The following TNIK variants were observed in gnomAD, a reference collection of about 807,000 sequenced individuals.
The protein encoded by TNIK is TRAF2 and NCK interacting kinase.
TNIK carries 49 observed loss-of-function variants against 191.3 expected under a neutral mutation model. That is an observed-to-expected ratio of 0.26 (90% CI 0.20 to 0.32). TNIK has a LOEUF of 0.32. Ranked by LOEUF, TNIK falls within the 10% of genes least tolerant of loss-of-function variation. The pLI is 1.00. For synonymous variants in TNIK, 594 were observed against 600.9 expected, an observed-to-expected ratio of 0.99 and a Z score of 0.17; for missense variants, 1,155 against 1,702.3, an observed-to-expected ratio of 0.68 and a Z score of 5.66.
At chr3:171,219,057 A>G (rs1229042591) in intron 3 of TNIK, among the ~76,000 whole-genome samples, 1 of 126,640 alleles carries the variant, frequency 7.9e-6, no homozygotes, top group African/African-American at 3.0e-5. Flanking sequence ...TATTTAATAT[A>G]ATATATTAAA....
chr3:171,152,812 C>T (rs900666149), intron 12 of TNIK, among the ~76,000 whole-genome samples: 2 of 151,604 alleles, frequency 1.3e-5, no homozygotes, highest in Admixed American at 1.3e-4. Flanking sequence ...TGCTCTGTTG[C>T]CCAGGCTGGA....
rs924683810 is a variant in TNIK, at chr3:171,256,106, A to C, written c.124-27885T>G. Among the ~76,000 whole-genome samples the C allele has an allele frequency of 2.0e-5, 3 of 152,224 alleles. No homozygotes were observed. In the South Asian group the frequency reaches 6.2e-4, roughly 32 times the overall value. On this transcript the variant is annotated intron_variant, in intron 2 of 32. Transcript: ENST00000436636. ...AAAACAGCTCCCAACAAGGAAAAAAAAAATAAGTACCCAATGGTCCTCTTC... is the reference window on the plus strand; with the variant it reads ...AAAACAGCTCCCAACAAGGAAAAAACAAATAAGTACCCAATGGTCCTCTTC...
intron 2 of TNIK, among the ~76,000 whole-genome samples, chr3:171,294,424 C>A (rs560151035): frequency 6.6e-6 from 1 of 151,528 alleles, no homozygotes; most frequent in South Asian, 2.1e-4. Flanking sequence ...ACTCTGTCTC[C>A]AAATAATAAT....
At chr3:171,446,503 T>C (rs1007270674) in intron 1 of TNIK, among the ~76,000 whole-genome samples, 1 of 152,190 alleles carries the variant, frequency 6.6e-6, no homozygotes, top group African/African-American at 2.4e-5. Flanking sequence ...TCAAGAAAAT[T>C]GCCCTCTGCA....
intron 2 of TNIK, among the ~76,000 whole-genome samples, chr3:171,292,090 T>C (rs955287615): frequency 6.6e-6 from 1 of 152,224 alleles, no homozygotes; most frequent in African/African-American, 2.4e-5. Context: ...TTTTATATTT[T>C]ATATTTTCCT....
At chr3:171,167,543 A>T (rs1204495115) in intron 9 of TNIK, among the ~76,000 whole-genome samples, 2 of 152,212 alleles carry the variant, frequency 1.3e-5, no homozygotes, top group Non-Finnish European at 2.9e-5. Flanking sequence ...ATAGCAGACC[A>T]AAAGGACGCA....
chr3:171,247,479 G>A (rs913196377), intron 2 of TNIK, among the ~76,000 whole-genome samples: 3 of 152,096 alleles, frequency 2.0e-5, no homozygotes, highest in South Asian at 2.1e-4. Flanking sequence ...CAGAAGACTC[G>A]GGAAAACATG....
At chr3:171,240,115 A>C (rs577324132) in intron 2 of TNIK, among the ~76,000 whole-genome samples, 1 of 152,298 alleles carries the variant, frequency 6.6e-6, no homozygotes, top group Admixed American at 6.5e-5. Context: ...AAGGAGGGTG[A>C]GTTTTCCCTG....
At chr3:171,434,229 C>G (rs937518289) in intron 1 of TNIK, among the ~76,000 whole-genome samples, 1 of 151,976 alleles carries the variant, frequency 6.6e-6, no homozygotes, top group Non-Finnish European at 1.5e-5. Flanking sequence ...AGCCACCATG[C>G]CTGGCCAAGG....
rs373139403 is a variant in TNIK at position 171,284,423 on chromosome 3, C to T, written c.124-56202G>A. Among the ~76,000 whole-genome samples the T allele has an allele frequency of 1.8e-4, 27 of 152,182 alleles. No homozygotes were observed. In the East Asian group the frequency reaches 2.7e-3, roughly 15 times the overall value. ...GGGCCTTCTCAACCAACTTCACACC[C>T]GCTTTCCAGGGCAGCTCAAAACAAA... On this transcript the variant is annotated intron_variant, in intron 2 of 32. Coordinates refer to ENST00000436636, the MANE Select transcript of TNIK (RefSeq NM_015028.4).
intron 9 of TNIK, among the ~76,000 whole-genome samples, chr3:171,174,706 A>G: frequency 6.6e-6 from 1 of 152,228 alleles, no homozygotes; most frequent in African/African-American, 2.4e-5. Context: ...TAAGTTTATC[A>G]AAAGGAAAAG....
At chr3:171,207,744 A>G (rs537921744) in intron 4 of TNIK, among the ~76,000 whole-genome samples, 1 of 152,172 alleles carries the variant, frequency 6.6e-6, no homozygotes, top group Non-Finnish European at 1.5e-5. Context: ...TGGAAACACA[A>G]AGATATGTTA....
At chr3:171,345,375 C>G (rs950705683) in intron 2 of TNIK, among the ~76,000 whole-genome samples, 5 of 152,126 alleles carry the variant, frequency 3.3e-5, no homozygotes, top group Non-Finnish European at 7.4e-5. Context: ...AATGCAAGAG[C>G]AGGCAATAGG....
At chr3:171,315,822 G>A (rs1037560899) in intron 2 of TNIK, among the ~76,000 whole-genome samples, 1 of 152,012 alleles carries the variant, frequency 6.6e-6, no homozygotes, top group Non-Finnish European at 1.5e-5. Flanking sequence ...AGTCAAACTG[G>A]ATTAGGACCT....
In TNIK at chr3:171,186,723, C is replaced by A. The variant is rs148005403; in HGVS notation, c.639+1979G>T. Among the ~76,000 whole-genome samples the A allele has an allele frequency of 5.9e-5, 9 of 152,280 alleles. No individual in the cohort carries two copies. The East Asian group carries it at 1.7e-3, about 29-fold the overall frequency. On this transcript the variant is annotated intron_variant, in intron 7 of 32. Coordinates refer to ENST00000436636, the MANE Select transcript of TNIK (RefSeq NM_015028.4). ...CATTCATCTTCAATCTTTTTAATGT[C>A]TCAGGATACTTTTATAGCCAGGTGA...
intron 2 of TNIK, among the ~76,000 whole-genome samples, chr3:171,290,366 G>T (rs1751547175): frequency 6.6e-6 from 1 of 152,098 alleles, no homozygotes; most frequent in South Asian, 2.1e-4. Flanking sequence ...TACAGAGAGG[G>T]TTATTTGATC....
chr3:171,422,248 A>G (rs1723904885), intron 1 of TNIK, among the ~76,000 whole-genome samples: 1 of 152,054 alleles, frequency 6.6e-6, no homozygotes, highest in African/African-American at 2.4e-5. Flanking sequence ...ATTTTAATGC[A>G]CTCTCTGGAA....
At chr3:171,231,332 T>G (rs1175414577) in intron 2 of TNIK, among the ~76,000 whole-genome samples, 1 of 152,032 alleles carries the variant, frequency 6.6e-6, no homozygotes, top group Admixed American at 6.6e-5. Context: ...TTTTTTTGTT[T>G]TTTTAAGTAG....
At chr3:171,419,551 T>C (rs1453193576) in intron 1 of TNIK, among the ~76,000 whole-genome samples, 1 of 152,176 alleles carries the variant, frequency 6.6e-6, no homozygotes, top group Non-Finnish European at 1.5e-5. Context: ...AGGCTCAAGA[T>C]GATTGCCTAA....
Sources: gnomAD v4.1 joint callset for allele counts (sites outside exome capture counted in the v4.1 genomes callset) on GRCh38, gnomAD v4.1.1 for gene constraint, MANE v1.5 for transcripts, NCBI Gene and HGNC (gene_info 2026-07-23, HGNC 2026-07-21) for gene names.